MED12L: variants seen among roughly 807,000 people sequenced by gnomAD.
The protein encoded by MED12L is mediator of RNA polymerase II transcription subunit 12-like protein.
In MED12L, 60 loss-of-function variants were observed where a neutral mutation model predicts 281.3. The observed-to-expected ratio is 0.21, with a 90% CI of 0.17 to 0.26. The LOEUF (loss-of-function observed/expected upper bound fraction) is 0.26, where lower values mean the gene tolerates loss of function less well. MED12L is among the 10% of genes least tolerant of loss of function. MED12L has a pLI of 1.00. For missense variants in MED12L, 2,146 were observed against 2,680.9 expected (o/e 0.80, Z 4.41); for synonymous variants, 974 against 987.2 (o/e 0.99, Z 0.25).
intron 14 of MED12L, 22 bp downstream of exon 14, chr3:151,190,953 C>T (rs1723895226): frequency 1.9e-6 from 3 of 1,602,720 alleles, no homozygotes; most frequent in Non-Finnish European, 8.5e-7. Context: ...GATATGATGC[C>T]CCACTCCCCC....
intron 13 of MED12L, 67 bp from the exon 14 acceptor site, chr3:151,190,650 G>A (rs760771178): frequency 1.9e-5 from 26 of 1,345,482 alleles, no homozygotes; most frequent in Non-Finnish European, 2.0e-5. Flanking sequence ...AAAATATTAA[G>A]CCTTAGTAAT....
At chr3:151,331,676 G>C (rs1750371134) in intron 16 of MED12L, among the ~76,000 whole-genome samples, 1 of 152,116 alleles carries the variant, frequency 6.6e-6, no homozygotes, top group Non-Finnish European at 1.5e-5. Flanking sequence ...CCTATCAAAT[G>C]GGAATAAACT....
chr3:151,407,045 C>A (rs1390316480), intron 39 of MED12L, among the ~76,000 whole-genome samples: 1 of 152,176 alleles, frequency 6.6e-6, no homozygotes, highest in Non-Finnish European at 1.5e-5. Context: ...AGGTGATTCA[C>A]CCGCCTCGGC....
chr3:151,409,210 T>G (rs755864643), intron 39 of MED12L, 33 bp from the exon 40 acceptor site: 2 of 1,538,306 alleles, frequency 1.3e-6, no homozygotes, highest in East Asian at 2.3e-5. Flanking sequence ...CTTGCTGTTA[T>G]GATCAAGAGT....
At chr3:151,141,092 C>T (rs767989491) in intron 5 of MED12L, among the ~76,000 whole-genome samples, 2 of 151,718 alleles carry the variant, frequency 1.3e-5, no homozygotes, top group Admixed American at 6.6e-5. Context: ...TGGTCTCGAT[C>T]TCCTGACCTT....
chr3:151,199,747 A>G (rs549547610), intron 16 of MED12L, among the ~76,000 whole-genome samples: 178 of 152,166 alleles, frequency 1.2e-3, no homozygotes, highest in Non-Finnish European at 1.2e-3. Flanking sequence ...TGCAGAGGAG[A>G]TAAGTGAACC....
chr3:151,170,051 T>C (rs142734555), intron 11 of MED12L, among the ~76,000 whole-genome samples: 2 of 152,242 alleles, frequency 1.3e-5, no homozygotes, highest in African/African-American at 4.8e-5. Flanking sequence ...TCTGTCTAAA[T>C]GGGAGAAGTT....
intron 11 of MED12L, among the ~76,000 whole-genome samples, chr3:151,170,115 A>G (rs2149001871): frequency 6.6e-6 from 1 of 152,272 alleles, no homozygotes; most frequent in South Asian, 2.1e-4. Flanking sequence ...ACTGCAGTGC[A>G]TGGGATGAAG....
chr3:151,141,166 G>GTTTTTTTTTTT (rs750239134), intron 5 of MED12L, among the ~76,000 whole-genome samples: 3 of 98,120 alleles, frequency 3.1e-5, no homozygotes, highest in African/African-American at 1.6e-4. Flanking sequence ...CGTGCCTGGC[G>GTTTTTTTTTTT]TTTTTTTTTT....
In MED12L at chr3:151,359,015, T is replaced by A. The variant is rs189473145; in HGVS notation, c.2826-1459T>A. ...TGCTTGGTGCTGAGGTTTCAGGTTA[T>A]GATTGAAACCATCAGGAAGTGAGCA... On this transcript the variant is annotated intron_variant, in intron 20 of 44. Coordinates refer to ENST00000687756, the MANE Select transcript of MED12L (RefSeq NM_001393769.1). Among the ~76,000 whole-genome samples, 9 of 152,306 alleles carry A rather than the reference T, an allele frequency of 5.9e-5. No homozygotes were observed. In the East Asian group the frequency reaches 1.7e-3, roughly 29 times the overall value.
chr3:151,205,508 G>A (rs1250475392), intron 16 of MED12L, among the ~76,000 whole-genome samples: 6 of 152,092 alleles, frequency 3.9e-5, no homozygotes, highest in Non-Finnish European at 8.8e-5. Flanking sequence ...TGAATATTTA[G>A]CGTTTTTAAA....
At position 151,127,817 on chromosome 3, in the gene MED12L, C is replaced by CT; in HGVS notation, c.397-3dup. 3 of 1,574,628 alleles carry CT rather than the reference C, an allele frequency of 1.9e-6. No homozygotes were observed. The highest frequency in any genetic ancestry group is 2.6e-6 in the Non-Finnish European group (3 of 1,146,868). On this transcript the variant is annotated splice_polypyrimidine_tract_variant and splice_region_variant and intron_variant, in intron 4 of 44. Coordinates refer to ENST00000687756, the MANE Select transcript of MED12L (RefSeq NM_001393769.1). ...TTATTATAAATATACTATGTTGTTT[C>CT]TTTTTAGGTTCCTATCCTTAGTAAA...
In MED12L at chr3:151,198,559, C is replaced by T. The variant is rs775054911; in HGVS notation, c.2250+4893C>T. 6.2e-6 allele frequency: 10 copies of T among 1,614,060 alleles called. No individual in the cohort carries two copies. In the East Asian group the frequency reaches 6.7e-5, roughly 11 times the overall value. ...ACAGGATAGGATCAAAGCACAGGTT[C>T]GACACAGCCAGGAGCAGTGTAGCCT... On this transcript the variant is annotated intron_variant, in intron 16 of 44. Transcript: ENST00000687756.
At chr3:151,124,952 G>A (rs894638039) in intron 4 of MED12L, among the ~76,000 whole-genome samples, 1 of 152,178 alleles carries the variant, frequency 6.6e-6, no homozygotes, top group Non-Finnish European at 1.5e-5. Flanking sequence ...GCAAACAGAG[G>A]ATGCAGTGAT....
chr3:151,315,744 T>C (rs1457158704), intron 16 of MED12L, among the ~76,000 whole-genome samples: 1 of 152,214 alleles, frequency 6.6e-6, no homozygotes, highest in East Asian at 1.9e-4. Flanking sequence ...TTGCTGTTCA[T>C]ATTGCTAGTA....
At chr3:151,417,897 A>G (rs757304610) in intron 43 of MED12L, among the ~76,000 whole-genome samples, 1 of 152,226 alleles carries the variant, frequency 6.6e-6, no homozygotes, top group African/African-American at 2.4e-5. Context: ...AAGTAGAGGT[A>G]GTATGTAAAA....
intron 17 of MED12L, 67 bp downstream of exon 17, chr3:151,350,273 A>G: frequency 6.6e-7 from 1 of 1,518,340 alleles, no homozygotes; most frequent in East Asian, 2.3e-5. Flanking sequence ...CACAGTCTTT[A>G]TCAAAGTGTT....
rs945772576 is a variant in MED12L, at chr3:151,171,195, G to A, written c.1494+5213G>A. Among the ~76,000 whole-genome samples the A allele has an allele frequency of 3.3e-5, 5 of 152,292 alleles. No individual in the cohort carries two copies. In the South Asian group the frequency reaches 1.0e-3, roughly 32 times the overall value. On this transcript the variant is annotated intron_variant, in intron 11 of 44. Transcript: ENST00000687756. ...GGCAAATCCTGACATCCACACAAAG[G>A]AGTCGTTATGTGGACAGTGGGACCC...
chr3:151,282,765 T>C lies in MED12L; in HGVS notation c.2251-67294T>C, dbSNP rs576280353. Reference sequence around the variant, plus strand: ...ATGTCGGGGATCCAAAATGTCACGCTCAGGACTTCCTAATTTAGTGTGCTG... The same window carrying C: ...ATGTCGGGGATCCAAAATGTCACGCCCAGGACTTCCTAATTTAGTGTGCTG... On this transcript the variant is annotated intron_variant, in intron 16 of 44. Transcript: ENST00000687756. Among the ~76,000 whole-genome samples the C allele has an allele frequency of 2.0e-5, 3 of 152,350 alleles. No homozygotes were observed. In the East Asian group the frequency reaches 5.8e-4, roughly 29 times the overall value.
Sources: gnomAD v4.1 joint callset for allele counts (sites outside exome capture counted in the v4.1 genomes callset) on GRCh38, gnomAD v4.1.1 for gene constraint, MANE v1.5 for transcripts, NCBI Gene and HGNC (gene_info 2026-07-23, HGNC 2026-07-21) for gene names.